Variants in RGS8 observed in about 807,000 individuals in gnomAD.
The protein encoded by RGS8 is regulator of G protein signaling 8.
Under a neutral mutation model 21.7 loss-of-function variants are expected in RGS8, and 8 were observed. The observed-to-expected ratio is 0.37, with a 90% CI of 0.22 to 0.66. RGS8 has a LOEUF of 0.66. Ranked by LOEUF, RGS8 falls within the 30% of genes least tolerant of loss-of-function variation. RGS8 has a pLI of 0.59. For missense variants in RGS8, 157 were observed against 217.9 expected (o/e 0.72, Z 1.76); for synonymous variants, 80 against 83.6 (o/e 0.96, Z 0.24).
At chr1:182,679,255 A>C (rs1358853227) in intron 1 of RGS8, among the ~76,000 whole-genome samples, 1 of 151,444 alleles carries the variant, frequency 6.6e-6, no homozygotes, top group African/African-American at 2.4e-5. Context: ...TCCCCTCCTA[A>C]CCCCTTTGCC....
At chr1:182,745,573 A>G in the RGS8 span, among the ~76,000 whole-genome samples, 1 of 152,196 alleles carries the variant, frequency 6.6e-6, no homozygotes, top group Non-Finnish European at 1.5e-5. Flanking sequence ...GACTTCACCA[A>G]CCAGACTGGC....
At chr1:182,722,933 G>A in the RGS8 span, among the ~76,000 whole-genome samples, 234 of 151,908 alleles carry the variant, frequency 1.5e-3, 2 homozygotes, top group African/African-American at 5.1e-3. Context: ...AGCCCAGATC[G>A]CGCCACTGCA....
intron 5 of RGS8, chr1:182,658,666 C>G (rs1480575573): frequency 1.3e-5 from 2 of 152,194 alleles, no homozygotes; most frequent in Non-Finnish European, 2.9e-5. Flanking sequence ...TTTGTGAAAT[C>G]TGTGAAATAA....
At chr1:182,644,723 C>T (rs555929421), downstream of RGS8, 1 of 152,336 alleles carries the variant, frequency 6.6e-6, no homozygotes, top group African/African-American at 2.4e-5. Context: ...GCAGCAGATG[C>T]ACATTTCATA....
At chr1:182,656,750 C>T (rs1320326332) in intron 5 of RGS8, among the ~76,000 whole-genome samples, 1 of 152,176 alleles carries the variant, frequency 6.6e-6, no homozygotes, top group Non-Finnish European at 1.5e-5. Flanking sequence ...GAGAATGGCC[C>T]TCCCTCATGG....
the RGS8 span, among the ~76,000 whole-genome samples, chr1:182,700,823 T>A: frequency 6.6e-6 from 1 of 152,242 alleles, no homozygotes; most frequent in African/African-American, 2.4e-5. Flanking sequence ...ATCATCATGA[T>A]AGTCCAGTGG....
the RGS8 span, among the ~76,000 whole-genome samples, chr1:182,692,279 A>G: frequency 6.6e-6 from 1 of 152,186 alleles, no homozygotes; most frequent in Non-Finnish European, 1.5e-5. Flanking sequence ...CTGGGATTAC[A>G]GGCATAAACC....
intron 5 of RGS8, among the ~76,000 whole-genome samples, chr1:182,664,185 C>G (rs1314058271): frequency 1.3e-5 from 2 of 152,134 alleles, no homozygotes; most frequent in East Asian, 3.8e-4. Context: ...CCACCATAAA[C>G]TCCGACCATA....
At chr1:182,653,690 T>C (rs574812862) in intron 5 of RGS8, among the ~76,000 whole-genome samples, 18 of 151,976 alleles carry the variant, frequency 1.2e-4, no homozygotes, top group African/African-American at 3.1e-4. Flanking sequence ...CCAGACTCTG[T>C]CTCAAAAATA....
At chr1:182,675,221 ACC>A (rs1664316191), upstream of RGS8, among the ~76,000 whole-genome samples, 1 of 151,890 alleles carries the variant, frequency 6.6e-6, no homozygotes, top group South Asian at 2.1e-4. Context: ...CCTAACCCTA[ACC>A]CCAACAAGTA....
At chr1:182,671,800 A>C in intron 1 of RGS8, 70 bp from the exon 3 acceptor site, 1 of 1,606,172 alleles carries the variant, frequency 6.2e-7, no homozygotes, top group Non-Finnish European at 8.5e-7. Context: ...GTGCATGAAC[A>C]CATAGGGGCA....
At chr1:182,737,298 T>A in the RGS8 span, among the ~76,000 whole-genome samples, 25 of 140,094 alleles carry the variant, frequency 1.8e-4, no homozygotes, top group African/African-American at 5.4e-4. Flanking sequence ...AAAAAAAAAA[T>A]TAACTATATA....
intron 5 of RGS8, among the ~76,000 whole-genome samples, chr1:182,654,282 G>C (rs1400507282): frequency 1.3e-5 from 2 of 152,142 alleles, no homozygotes; most frequent in Non-Finnish European, 2.9e-5. Context: ...AGAAGCAAAA[G>C]AATAGTATTT....
At chr1:182,643,457 G>T (rs1662567110), downstream of RGS8, 1 of 152,028 alleles carries the variant, frequency 6.6e-6, no homozygotes, top group African/African-American at 2.4e-5. Context: ...CTTCTGATTT[G>T]GCTGTTCTGG....
chr1:182,656,792 C>A (rs1663301184), intron 5 of RGS8, among the ~76,000 whole-genome samples: 1 of 152,152 alleles, frequency 6.6e-6, no homozygotes, highest in African/African-American at 2.4e-5. Flanking sequence ...ACCTGAGATG[C>A]AACAGAGAAC....
chr1:182,698,691 T>G, the RGS8 span, among the ~76,000 whole-genome samples: 6 of 152,208 alleles, frequency 3.9e-5, no homozygotes, highest in African/African-American at 1.4e-4. Flanking sequence ...GTCAGCAATA[T>G]TATCACGATG....
chr1:182,724,698 C>T, the RGS8 span, among the ~76,000 whole-genome samples: 14 of 152,216 alleles, frequency 9.2e-5, no homozygotes, highest in Admixed American at 5.9e-4. Flanking sequence ...GCTGGGATTA[C>T]AGGCGCCTGC....
chr1:182,705,709 T>G, the RGS8 span, among the ~76,000 whole-genome samples: 240 of 135,466 alleles, frequency 1.8e-3, 14 homozygotes, highest in African/African-American at 6.4e-3. Flanking sequence ...ATGTGTAGGG[T>G]GAAGTTCCAT....
the RGS8 span, among the ~76,000 whole-genome samples, chr1:182,727,980 A>C: frequency 6.6e-6 from 1 of 152,244 alleles, no homozygotes; most frequent in Non-Finnish European, 1.5e-5. Context: ...TACATCTAGA[A>C]TAAAACTTAC....
Sources: gnomAD v4.1 joint callset for allele counts (sites outside exome capture counted in the v4.1 genomes callset) on GRCh38, gnomAD v4.1.1 for gene constraint, MANE v1.5 for transcripts, NCBI Gene and HGNC (gene_info 2026-07-23, HGNC 2026-07-21) for gene names.